Variants in GALNT13 observed in about 807,000 individuals in gnomAD.
GALNT13 encodes the protein UDP-GalNAc:polypeptide N-acetylgalactosaminyltransferase 13.
A neutral mutation model predicts 64.2 loss-of-function variants in GALNT13; 28 were observed. That is an observed-to-expected ratio of 0.44 (90% CI 0.32 to 0.60). GALNT13 has a LOEUF of 0.60. Among genes scored for constraint, GALNT13 ranks in the 20% least tolerant of loss-of-function variants. GALNT13 has a pLI of 0.05. For synonymous variants in GALNT13, 214 were observed against 224.6 expected, an observed-to-expected ratio of 0.95 and a Z score of 0.42; for missense variants, 577 against 669.8, an observed-to-expected ratio of 0.86 and a Z score of 1.53.
intron 3 of GALNT13, among the ~76,000 whole-genome samples, chr2:153,983,985 G>T (rs1464036203): frequency 2.0e-5 from 3 of 151,820 alleles, no homozygotes; most frequent in African/African-American, 7.2e-5. Flanking sequence ...CTTAAGGAAA[G>T]ATCTATCATA....
intron 3 of GALNT13, among the ~76,000 whole-genome samples, chr2:153,951,457 G>A (rs1442488435): frequency 6.6e-6 from 1 of 152,110 alleles, no homozygotes; most frequent in Non-Finnish European, 1.5e-5. Context: ...GAGCAAAATA[G>A]TGCAAAATGA....
At chr2:153,727,668 A>G in the GALNT13 span, among the ~76,000 whole-genome samples, 4 of 152,250 alleles carry the variant, frequency 2.6e-5, no homozygotes, top group African/African-American at 9.6e-5. Flanking sequence ...GGTGTATAAA[A>G]CAATCACCTG....
chr2:153,363,395 T>C, the GALNT13 span, among the ~76,000 whole-genome samples: 1 of 151,404 alleles, frequency 6.6e-6, no homozygotes, highest in Non-Finnish European at 1.5e-5. Flanking sequence ...AGAGAAGAAC[T>C]GAAGGAGATA....
intron 3 of GALNT13, among the ~76,000 whole-genome samples, chr2:154,053,033 C>T (rs561753644): frequency 6.6e-6 from 1 of 152,164 alleles, no homozygotes; most frequent in Admixed American, 6.5e-5. Flanking sequence ...AGCCACCGTG[C>T]CTGGCCAGAA....
At chr2:153,795,414 A>T in the GALNT13 span, among the ~76,000 whole-genome samples, 28 of 152,140 alleles carry the variant, frequency 1.8e-4, no homozygotes, top group African/African-American at 5.8e-4. Context: ...ACCGAGCTGA[A>T]TTACCGGACC....
At chr2:153,246,975 G>GA in the GALNT13 span, among the ~76,000 whole-genome samples, 3 of 151,808 alleles carry the variant, frequency 2.0e-5, no homozygotes, top group Non-Finnish European at 4.4e-5. Flanking sequence ...AATGAAAAGA[G>GA]AAAAAAAGCA....
the GALNT13 span, among the ~76,000 whole-genome samples, chr2:153,453,373 C>G: frequency 6.6e-6 from 1 of 152,022 alleles, no homozygotes; most frequent in Non-Finnish European, 1.5e-5. Flanking sequence ...CTGTGCTTTC[C>G]ATAGAGGCCA....
At chr2:154,127,787 G>A (rs1319176495) in intron 3 of GALNT13, among the ~76,000 whole-genome samples, 1 of 150,272 alleles carries the variant, frequency 6.7e-6, no homozygotes, top group African/African-American at 2.4e-5. Context: ...TACACACACA[G>A]AAACTTTTAG....
intron 3 of GALNT13, among the ~76,000 whole-genome samples, chr2:154,110,336 T>TAG (rs1190684961): frequency 0.018 from 176 of 9,876 alleles, 17 homozygotes; most frequent in Admixed American, 0.02. Context: ...TATATATATA[T>TAG]AGAGAGAGAG....
chr2:153,322,639 C>G, the GALNT13 span, among the ~76,000 whole-genome samples: 2 of 152,102 alleles, frequency 1.3e-5, no homozygotes, highest in African/African-American at 4.8e-5. Context: ...TCTGCTAATG[C>G]TATCCCTCCC....
intron 4 of GALNT13, among the ~76,000 whole-genome samples, chr2:154,190,115 C>A (rs1189675834): frequency 6.6e-6 from 1 of 152,130 alleles, no homozygotes; most frequent in Non-Finnish European, 1.5e-5. Context: ...GGTTTGCTTG[C>A]AGCAGGGTCC....
the GALNT13 span, among the ~76,000 whole-genome samples, chr2:153,846,777 A>C: frequency 6.6e-6 from 1 of 152,138 alleles, no homozygotes; most frequent in East Asian, 1.9e-4. Context: ...ATAGAGGCAA[A>C]AATTTTTCCT....
chr2:153,208,188 G>A, the GALNT13 span: 4 of 152,086 alleles, frequency 2.6e-5, no homozygotes, highest in African/African-American at 9.7e-5. Context: ...TTTATTTAAT[G>A]TATGCTTTAA....
intron 2 of GALNT13, among the ~76,000 whole-genome samples, chr2:153,907,317 A>G (rs138317367): frequency 2.5e-4 from 38 of 151,824 alleles, no homozygotes; most frequent in African/African-American, 5.3e-4. Context: ...AAGATTATAT[A>G]TATACACACA....
chr2:154,334,219 T>C (rs910331139), intron 9 of GALNT13, among the ~76,000 whole-genome samples: 1 of 152,076 alleles, frequency 6.6e-6, no homozygotes, highest in African/African-American at 2.4e-5. Flanking sequence ...GTTAGAGATA[T>C]GATTCCTTAG....
chr2:153,735,499 A>G, the GALNT13 span, among the ~76,000 whole-genome samples: 1 of 152,198 alleles, frequency 6.6e-6, no homozygotes, highest in Admixed American at 6.5e-5. Flanking sequence ...CCATCTTGAT[A>G]TGGACAGGCA....
the GALNT13 span, among the ~76,000 whole-genome samples, chr2:153,206,220 G>C: frequency 6.6e-6 from 1 of 152,166 alleles, no homozygotes; most frequent in Non-Finnish European, 1.5e-5. Flanking sequence ...AGACACTAGA[G>C]TTTACTTTGC....
At chr2:154,147,381 T>TTTTA (rs1683674060) in intron 4 of GALNT13, among the ~76,000 whole-genome samples, 1 of 144,248 alleles carries the variant, frequency 6.9e-6, no homozygotes, top group South Asian at 2.2e-4. Flanking sequence ...GAATGGAATT[T>TTTTA]TATATATATA....
At chr2:153,556,785 T>G in the GALNT13 span, among the ~76,000 whole-genome samples, 1 of 152,344 alleles carries the variant, frequency 6.6e-6, no homozygotes, top group East Asian at 1.9e-4. Flanking sequence ...GTTAGCTTAA[T>G]GCAGACTGAG....
Sources: gnomAD v4.1 joint callset for allele counts (sites outside exome capture counted in the v4.1 genomes callset) on GRCh38, gnomAD v4.1.1 for gene constraint, MANE v1.5 for transcripts, NCBI Gene and HGNC (gene_info 2026-07-23, HGNC 2026-07-21) for gene names.